Variants in SLC2A9 observed in about 807,000 individuals in gnomAD.
The protein encoded by SLC2A9 is solute carrier family 2, facilitated glucose transporter member 9.
A neutral mutation model predicts 50.6 loss-of-function variants in SLC2A9; 39 were observed. The observed-to-expected ratio is 0.77, with a 90% CI of 0.60 to 1.01. The LOEUF is 1.01. Among genes scored for constraint, SLC2A9 ranks in the 50% least tolerant of loss-of-function variants. SLC2A9 has a pLI of 0.00. For synonymous variants in SLC2A9, 324 were observed against 276.9 expected (o/e 1.17, Z -1.69); for missense variants, 686 against 677.6 (o/e 1.01, Z -0.14).
chr4:9,902,633 C>T (rs1357822697), intron 8 of SLC2A9, among the ~76,000 whole-genome samples: 2 of 152,116 alleles, frequency 1.3e-5, no homozygotes, highest in African/African-American at 2.4e-5. Flanking sequence ...GTTGCAGGGC[C>T]CTCTCCTGGC....
At chr4:9,791,891 G>T (rs143972829) in intron 3 of SLC2A9, among the ~76,000 whole-genome samples, 8 of 152,142 alleles carry the variant, frequency 5.3e-5, no homozygotes, top group Non-Finnish European at 7.3e-5. Flanking sequence ...GTTTTAAGCC[G>T]CTAAGTTCTG....
Position 9,927,377 on chromosome 4 carries a change from T to C in SLC2A9, c.815-6805A>G, listed in dbSNP as rs149166425. 1.5e-3 allele frequency among the ~76,000 whole-genome samples: 232 copies of C among 152,362 alleles called. 1 individual carries two copies. Among genetic ancestry groups the C allele is most frequent in the Middle Eastern group, 3.4e-3 (1 of 294 alleles). ...CTTTGTTATGGCAGCAGCCACACTT[T>C]GTCACCTCTTTTATCACCTCCTGCT... On this transcript the variant is annotated intron_variant, in intron 6 of 11. Coordinates refer to ENST00000264784, the MANE Select transcript of SLC2A9 (RefSeq NM_020041.3).
At chr4:9,835,853 G>C (rs182173040) in intron 10 of SLC2A9, among the ~76,000 whole-genome samples, 1 of 152,274 alleles carries the variant, frequency 6.6e-6, no homozygotes, top group African/African-American at 2.4e-5. Flanking sequence ...TTGGGAGGCA[G>C]AGGCCAGTGG....
chr4:9,878,272 C>T (rs564212714), intron 10 of SLC2A9, among the ~76,000 whole-genome samples: 1 of 152,010 alleles, frequency 6.6e-6, no homozygotes, highest in East Asian at 1.9e-4. Flanking sequence ...TATAATGAAC[C>T]CCTAATGTGG....
chr4:9,941,248 G>C (rs2110264509), intron 6 of SLC2A9, among the ~76,000 whole-genome samples: 1 of 152,302 alleles, frequency 6.6e-6, no homozygotes, highest in South Asian at 2.1e-4. Context: ...AGATGTCTCT[G>C]ATTCCGAAAG....
In SLC2A9 at chr4:10,018,979, G is replaced by A; in HGVS notation, c.245C>T (p.Thr82Ile). The change falls in exon 2 of 12, where the codon ACC becomes ATC. Residue 82 changes from threonine to isoleucine, a missense_variant. Thr to Ile is a moderately conservative substitution (Grantham distance 89). Coordinates refer to ENST00000264784, the MANE Select transcript of SLC2A9 (RefSeq NM_020041.3). ...CGGGCCTTGGCGCGCACTCACCGGG[G>A]TGGGGGCATTCACCACCGACAGGTT... Reference protein sequence around the residue: ...GYNLSVVNAPTPYIKAFYNES... With the variant: ...GYNLSVVNAPIPYIKAFYNES... The A allele has an allele frequency of 6.5e-7, 1 of 1,549,724 alleles. No homozygotes were observed. The highest frequency in any genetic ancestry group is 8.7e-7 in the Non-Finnish European group (1 of 1,146,846).
At chr4:9,998,054 A>C (rs1291353990) in intron 2 of SLC2A9, among the ~76,000 whole-genome samples, 4 of 152,256 alleles carry the variant, frequency 2.6e-5, no homozygotes, top group Non-Finnish European at 5.9e-5. Context: ...ATCATTAGTC[A>C]ACAGAGAAAT....
At position 9,783,281 on chromosome 4, in the gene SLC2A9, G is replaced by A. The variant is rs760258996; in HGVS notation, n.386-3216C>T. 6.4e-5 allele frequency: 103 copies of A among 1,614,182 alleles called. 2 individuals are homozygous for A. The South Asian group carries it at 9.8e-4, about 15-fold the overall frequency. On this transcript the variant is annotated intron_variant and non_coding_transcript_variant, in intron 3 of 3. Coordinates refer to the SLC2A9 transcript ENST00000503803. ...CTACATCCACATGATGCCCAACGCC[G>A]TTACCCCCGGCAACCGGGAGGTGGA...
chr4:9,979,125 C>A (rs925372245), intron 5 of SLC2A9, among the ~76,000 whole-genome samples: 3 of 152,170 alleles, frequency 2.0e-5, no homozygotes, highest in Non-Finnish European at 2.9e-5. Context: ...GTGTAAGACA[C>A]AACCCATACG....
Position 10,003,583 on chromosome 4 carries a change from G to A in SLC2A9, c.250-6642C>T, listed in dbSNP as rs77203987. 4.2e-3 allele frequency among the ~76,000 whole-genome samples: 640 copies of A among 152,270 alleles called. 18 individuals carry two copies. The East Asian group carries it at 0.078, about 19-fold the overall frequency. On this transcript the variant is annotated intron_variant, in intron 2 of 11. Coordinates refer to ENST00000264784, the MANE Select transcript of SLC2A9 (RefSeq NM_020041.3). ...AAAGCTGTTTGCCCCAATGCTTTTG[G>A]CAACTGAACGTTTGTCTTCCAGGTC...
chr4:10,008,123 C>T (rs1761113848), intron 2 of SLC2A9, among the ~76,000 whole-genome samples: 1 of 152,244 alleles, frequency 6.6e-6, no homozygotes. Flanking sequence ...GCAACCACTG[C>T]CCCCACTGCA....
chr4:9,917,715 T>G (rs1743138969), intron 7 of SLC2A9, among the ~76,000 whole-genome samples: 1 of 152,186 alleles, frequency 6.6e-6, no homozygotes. Context: ...GATGTTTGCT[T>G]GATACAGAGG....
At chr4:9,847,518 A>AATG (rs1445943795) in intron 10 of SLC2A9, among the ~76,000 whole-genome samples, 4 of 152,330 alleles carry the variant, frequency 2.6e-5, no homozygotes, top group Admixed American at 2.6e-4. Context: ...AATCAATATC[A>AATG]ATGATTACGG....
intron 10 of SLC2A9, among the ~76,000 whole-genome samples, chr4:9,839,077 T>C (rs1172176604): frequency 2.6e-5 from 4 of 152,154 alleles, no homozygotes; most frequent in Non-Finnish European, 5.9e-5. Context: ...ACCTATAGAA[T>C]GGGAGAAATT....
At chr4:9,877,817 C>T (rs1734543785) in intron 10 of SLC2A9, among the ~76,000 whole-genome samples, 1 of 152,216 alleles carries the variant, frequency 6.6e-6, no homozygotes, top group Admixed American at 6.5e-5. Flanking sequence ...GTCCCAGGCT[C>T]TTCTGGGTCT....
intron 3 of SLC2A9, among the ~76,000 whole-genome samples, chr4:9,991,641 C>A (rs1757734540): frequency 6.6e-6 from 1 of 152,030 alleles, no homozygotes; most frequent in South Asian, 2.1e-4. Context: ...GGGGACAGGG[C>A]CTTTAAAGAG....
intron 10 of SLC2A9, among the ~76,000 whole-genome samples, chr4:9,875,222 G>A (rs1389550227): frequency 1.4e-5 from 2 of 143,524 alleles, no homozygotes; most frequent in Non-Finnish European, 3.1e-5. Flanking sequence ...TTTAGAAATG[G>A]CCATAGGTTA....
chr4:9,832,960 G>A (rs1259305699), intron 11 of SLC2A9, among the ~76,000 whole-genome samples: 2 of 152,136 alleles, frequency 1.3e-5, no homozygotes, highest in East Asian at 1.9e-4. Context: ...CCTGCTTCTC[G>A]GACATACAAA....
intron 1 of SLC2A9, among the ~76,000 whole-genome samples, chr4:10,032,900 A>C (rs1368666365): frequency 6.6e-6 from 1 of 152,220 alleles, no homozygotes; most frequent in East Asian, 1.9e-4. Context: ...TATGTAACCA[A>C]GCTGAGTCAC....
Sources: gnomAD v4.1 joint callset for allele counts (sites outside exome capture counted in the v4.1 genomes callset) on GRCh38, gnomAD v4.1.1 for gene constraint, MANE v1.5 for transcripts, NCBI Gene and HGNC (gene_info 2026-07-23, HGNC 2026-07-21) for gene names.